The following KIF3A variants were observed in gnomAD, a reference collection of about 807,000 sequenced individuals.
KIF3A encodes kinesin-like protein KIF3A.
Under a neutral mutation model 92.6 loss-of-function variants are expected in KIF3A, and 27 were observed. The observed-to-expected ratio is 0.29, with a 90% CI of 0.21 to 0.40. The LOEUF (loss-of-function observed/expected upper bound fraction) is 0.40, where lower values mean the gene tolerates loss of function less well. KIF3A is among the 10% of genes least tolerant of loss of function. The pLI, the probability that KIF3A is intolerant of heterozygous loss-of-function variation, is 1.00. For missense variants in KIF3A, 581 were observed against 872.6 expected (o/e 0.67, Z 4.21); for synonymous variants, 250 against 275.4 (o/e 0.91, Z 0.92).
rs1311245335 is a variant in KIF3A at position 132,702,219 on chromosome 5, G to GA, written c.1759-8dup. On this transcript the variant is annotated splice_polypyrimidine_tract_variant and splice_region_variant and intron_variant, in intron 14 of 18. Transcript: ENST00000403231. ...CTTGTTGGAGATCAGCCATCTACCA[G>GA]AAAATCCATAAAAATATTATGAACA... 6.2e-7 allele frequency: 1 copy of GA among 1,611,720 alleles called. No individual in the cohort carries two copies. The highest frequency in any genetic ancestry group is 1.1e-5 in the South Asian group (1 of 90,860).
chr5:132,722,664 A>G (rs1226948396), intron 4 of KIF3A, among the ~76,000 whole-genome samples: 3 of 152,226 alleles, frequency 2.0e-5, no homozygotes, highest in Non-Finnish European at 2.9e-5. Flanking sequence ...TTTCACATAT[A>G]AAGACAAAGT....
At chr5:132,714,658 A>G (rs1308048172) in intron 8 of KIF3A, among the ~76,000 whole-genome samples, 1 of 152,190 alleles carries the variant, frequency 6.6e-6, no homozygotes, top group Non-Finnish European at 1.5e-5. Context: ...TGGGCACAGC[A>G]TTTCTGTTTG....
In KIF3A at chr5:132,709,077, T is replaced by A; in HGVS notation, c.1229-99A>T. ...AAAATTCAGTTTTCAGAGAAAAAAA[T>A]TTTAAAGGACAATCAAGCTTTGTAT... is the stretch of plus-strand genomic sequence containing the variant. On this transcript the variant is annotated intron_variant, in intron 9 of 18. Coordinates refer to ENST00000403231, the MANE Select transcript of KIF3A (RefSeq NM_001300791.2). 2.1e-6 allele frequency: 2 copies of A among 930,396 alleles called. 1 individual carries two copies. Among genetic ancestry groups the A allele is most frequent in the South Asian group, 3.0e-5 (2 of 66,276 alleles). The allele number at this position is 930,396 out of a possible 1,614,324, so 57.6% of individuals were successfully genotyped here.
rs1175301574 is a variant in KIF3A at position 132,705,187 on chromosome 5, C to G, written c.1309+1264G>C. On this transcript the variant is annotated intron_variant, in intron 11 of 18. Transcript: ENST00000403231. ...ACTTTAAAATAATTTAACTACTATT[C>G]CCAAACTACTTATCCCATCAGTCAT... is the stretch of plus-strand genomic sequence containing the variant. 4.0e-5 allele frequency among the ~76,000 whole-genome samples: 6 copies of G among 151,806 alleles called. No individual in the cohort carries two copies. In the South Asian group the frequency reaches 1.2e-3, roughly 31 times the overall value.
chr5:132,734,396 G>A lies in KIF3A; in HGVS notation c.89C>T (p.Ser30Leu), dbSNP rs778617048. 5 of 1,614,054 alleles carry A rather than the reference G, an allele frequency of 3.1e-6. No homozygotes were observed. The highest frequency in any genetic ancestry group is 4.2e-6 in the Non-Finnish European group (5 of 1,179,996). ...ACTGACAGCCTGTTTGTAGCACATT[G>A]ATTTCTCTCTCTCATTGAGGGGCCG... ...RCRPLNEREK[S>L]MCYKQAVSVD... The change falls in exon 2 of 19, where the codon TCA (serine) becomes TTA (leucine). Residue 30 changes from serine to leucine, a missense_variant. Coordinates refer to ENST00000403231, the MANE Select transcript of KIF3A (RefSeq NM_001300791.2).
chr5:132,726,771 T>C (rs1272620696), intron 2 of KIF3A, among the ~76,000 whole-genome samples: 1 of 152,212 alleles, frequency 6.6e-6, no homozygotes, highest in African/African-American at 2.4e-5. Context: ...TATATCTAAT[T>C]ATGAGACATT....
At chr5:132,703,191 C>A (rs1753100420) in intron 12 of KIF3A, 126 bp from the exon 13 acceptor site, 2 of 779,254 alleles carry the variant, frequency 2.6e-6, no homozygotes, top group Non-Finnish European at 4.0e-6. Flanking sequence ...AACATCTCTG[C>A]CAAATTACAC....
intron 6 of KIF3A, 115 bp from the exon 7 acceptor site, chr5:132,716,557 T>C: frequency 1.2e-6 from 1 of 839,534 alleles, no homozygotes; most frequent in Non-Finnish European, 1.8e-6. Flanking sequence ...GATGCCTGAA[T>C]TCACTTCAAA....
chr5:132,691,683 A>G (rs1322020227), downstream of KIF3A, among the ~76,000 whole-genome samples: 1 of 152,054 alleles, frequency 6.6e-6, no homozygotes, highest in Non-Finnish European at 1.5e-5. Flanking sequence ...CGGGTGGATC[A>G]CCTGAGGTCA....
chr5:132,716,186 G>T, intron 7 of KIF3A, 59 bp downstream of exon 7: 1 of 1,334,842 alleles, frequency 7.5e-7, no homozygotes, highest in Non-Finnish European at 1.1e-6. Flanking sequence ...ATCAATTATT[G>T]GCATAAATTA....
In KIF3A at chr5:132,721,809, G is replaced by A. The variant is rs985712962; in HGVS notation, c.511-1095C>T. Among the ~76,000 whole-genome samples the A allele has an allele frequency of 8.5e-5, 13 of 152,162 alleles. No individual in the cohort carries two copies. The South Asian group carries it at 1.0e-3, about 12-fold the overall frequency. ...AGAGGGTCCATGGTGGCACTGAGGC[G>A]GCCACTGTAGGAGTTTAGGGGTCTT... On this transcript the variant is annotated intron_variant, in intron 4 of 18. Coordinates refer to ENST00000403231, the MANE Select transcript of KIF3A (RefSeq NM_001300791.2).
rs1752727165 is a variant in KIF3A at position 132,693,455 on chromosome 5, C to G, written c.*3179G>C. On this transcript the variant is annotated 3_prime_UTR_variant, in exon 19 of 19. Coordinates refer to ENST00000403231, the MANE Select transcript of KIF3A (RefSeq NM_001300791.2). ...TAAATTAAAGGGAAAAGAGAATACCCATTCAATAACCTATTTATATATATG... is the reference window on the plus strand; with the variant it reads ...TAAATTAAAGGGAAAAGAGAATACCGATTCAATAACCTATTTATATATATG... 1 of 152,706 alleles carries G rather than the reference C, an allele frequency of 6.5e-6. No individual in the cohort carries two copies. The highest frequency in any genetic ancestry group is 1.5e-5 in the Non-Finnish European group (1 of 68,022). 9.5% of individuals were successfully genotyped at this position (152,706 alleles called of 1,614,324 possible).
intron 1 of KIF3A, among the ~76,000 whole-genome samples, chr5:132,735,265 G>A (rs1754352853): frequency 6.6e-6 from 1 of 152,058 alleles, no homozygotes; most frequent in Non-Finnish European, 1.5e-5. Context: ...AGTAGAGACG[G>A]AATTTCATCA....
chr5:132,708,586 A>G (rs553861748), intron 10 of KIF3A, among the ~76,000 whole-genome samples: 1 of 152,358 alleles, frequency 6.6e-6, no homozygotes, highest in African/African-American at 2.4e-5. Flanking sequence ...AGGATTAGAA[A>G]TGTGTCATGA....
chr5:132,710,845 G>A (rs1187829294), intron 9 of KIF3A, 114 bp downstream of exon 9: 2 of 1,414,172 alleles, frequency 1.4e-6, no homozygotes, highest in Non-Finnish European at 1.9e-6. Context: ...TACATCTTCT[G>A]TTCTAATTGT....
At chr5:132,689,554 T>G (rs778313493), downstream of KIF3A, 1 of 152,100 alleles carries the variant, frequency 6.6e-6, no homozygotes, top group Non-Finnish European at 1.5e-5. Context: ...GGGGAGAAAA[T>G]AGTCTGATAT....
chr5:132,709,044 C>G, intron 9 of KIF3A, 66 bp from the exon 10 acceptor site: 1 of 1,234,628 alleles, frequency 8.1e-7, no homozygotes, highest in East Asian at 2.5e-5. Flanking sequence ...TGAACACACA[C>G]ACAGAGAAAA....
At chr5:132,736,778 G>A (rs1754402422) in intron 1 of KIF3A, 2 of 467,840 alleles carry the variant, frequency 4.3e-6, no homozygotes, top group Admixed American at 2.4e-5. Flanking sequence ...AAGCGGCCAT[G>A]GCTCAATTTT....
intron 8 of KIF3A, among the ~76,000 whole-genome samples, chr5:132,712,644 C>T (rs1371580934): frequency 6.6e-6 from 1 of 152,164 alleles, no homozygotes; most frequent in Non-Finnish European, 1.5e-5. Flanking sequence ...CCTTTGCAGT[C>T]TCAAAGTATC....
Sources: allele counts gnomAD v4.1 joint callset (sites outside exome capture counted in the v4.1 genomes callset), GRCh38; gene constraint gnomAD v4.1.1; transcripts MANE v1.5; gene names NCBI Gene and HGNC (gene_info 2026-07-23, HGNC 2026-07-21).